Variants in ACAD9 observed in about 807,000 individuals in gnomAD.
ACAD9 encodes acyl-CoA dehydrogenase family member 9, also known as complex I assembly factor ACAD9, mitochondrial.
Under a neutral mutation model 70.2 loss-of-function variants are expected in ACAD9, and 53 were observed. That is an observed-to-expected ratio of 0.75 (90% confidence interval 0.61 to 0.95). The LOEUF (loss-of-function observed/expected upper bound fraction) is 0.95. ACAD9 is among the 40% of genes least tolerant of loss of function. The probability of loss-of-function intolerance (pLI) is 0.00; values close to 1 mark genes in which losing one functional copy is unlikely to be tolerated. For synonymous variants in ACAD9, 313 were observed against 312.1 expected (o/e 1.00, Z -0.03); for missense variants, 777 against 802.8 (o/e 0.97, Z 0.39).
At chr3:128,883,069 G>GCTTGTTTTTTTTTTTTTTT (rs903871338) in intron 1 of ACAD9, among the ~76,000 whole-genome samples, 2 of 137,958 alleles carry the variant, frequency 1.4e-5, no homozygotes, top group Admixed American at 7.3e-5. Flanking sequence ...GGAGCCATCA[G>GCTTGTTTTTTTTTTTTTTT]CTTGTTTTTT....
chr3:128,889,764 G>C (rs1935362905), intron 2 of ACAD9, among the ~76,000 whole-genome samples: 1 of 151,978 alleles, frequency 6.6e-6, no homozygotes, highest in African/African-American at 2.4e-5. Context: ...ATCAACATAG[G>C]GTATGTATCC....
intron 1 of ACAD9, 126 bp from the exon 2 acceptor site, chr3:128,884,527 C>T: frequency 1.4e-6 from 1 of 693,740 alleles, no homozygotes; most frequent in Non-Finnish European, 2.5e-6. Context: ...CCAGTTCCTT[C>T]AGTACGTCAT....
rs536311994 is a variant in ACAD9, at chr3:128,889,947, G to A, written c.245-3608G>A. ...AAGCCATCCTCTGCCTCAGCCTCCC[G>A]CATAGCTAAGACTACAGGCACACGC... On this transcript the variant is annotated intron_variant, in intron 2 of 17. Transcript: ENST00000308982. Among the ~76,000 whole-genome samples, 21 of 152,026 alleles carry A rather than the reference G, an allele frequency of 1.4e-4. 1 individual carries two copies. In the South Asian group the frequency reaches 4.2e-3, roughly 30 times the overall value.
At chr3:128,887,658 T>C (rs1207798405) in intron 2 of ACAD9, among the ~76,000 whole-genome samples, 7 of 146,908 alleles carry the variant, frequency 4.8e-5, no homozygotes, top group Non-Finnish European at 7.5e-5. Flanking sequence ...TATATATATA[T>C]ATATATATAT....
chr3:128,899,552 G>T, intron 7 of ACAD9, 91 bp downstream of exon 7: 1 of 1,351,066 alleles, frequency 7.4e-7, no homozygotes, highest in Non-Finnish European at 1.0e-6. Context: ...GTGTGTGTGT[G>T]TGTGTGTGTG....
intron 17 of ACAD9, 61 bp downstream of exon 17, chr3:128,910,874 G>A (rs1489259512): frequency 6.3e-7 from 1 of 1,580,632 alleles, no homozygotes; most frequent in Non-Finnish European, 8.7e-7. Flanking sequence ...TATTGATGGT[G>A]AGCTGTTTCT....
chr3:128,886,880 G>A (rs978171195), intron 2 of ACAD9, among the ~76,000 whole-genome samples: 1 of 151,466 alleles, frequency 6.6e-6, no homozygotes, highest in East Asian at 1.9e-4. Context: ...CCACTGTGCA[G>A]TCTTTTTTTT....
Position 128,879,802 on chromosome 3 carries a change from A to G in ACAD9, c.111A>G (p.Arg37=). Residue 37 remains arginine, a synonymous_variant, in exon 1 of 18, where the codon CGA becomes CGG. Coordinates refer to ENST00000308982, the MANE Select transcript of ACAD9 (RefSeq NM_014049.5). The part of the protein sequence containing the change: ...RRLLRTSPPV[R]AFAKELFLGK... ...TACTGCGCACCAGCCCGCCTGTACG[A>G]GCTTTCGCCAAAGAGCTTTTCCTAG... 1 of 1,613,986 alleles carries G rather than the reference A, an allele frequency of 6.2e-7. No homozygotes were observed. Among genetic ancestry groups the G allele is most frequent in the Non-Finnish European group, 8.5e-7 (1 of 1,180,008 alleles).
chr3:128,893,920 T>A (rs1329559127), intron 3 of ACAD9, among the ~76,000 whole-genome samples: 1 of 152,158 alleles, frequency 6.6e-6, no homozygotes, highest in Non-Finnish European at 1.5e-5. Context: ...GTGGGAACCT[T>A]TGAGCAGGGT....
intron 13 of ACAD9, chr3:128,908,767 T>TG (rs1935993681): frequency 1.1e-5 from 8 of 704,184 alleles, no homozygotes; most frequent in Admixed American, 7.0e-5. Flanking sequence ...CCACCCCTCA[T>TG]GGGGGAGCAT....
rs183073261 is a variant in ACAD9, at chr3:128,881,885, A to C, written c.150+2044A>C. ...CCAACTAGCCAAGTTGGAATTTACT[A>C]AGGCTGGGTCTCGTTTCATCTACAG... On this transcript the variant is annotated intron_variant, in intron 1 of 17. Transcript: ENST00000308982. Among the ~76,000 whole-genome samples, 579 of 152,338 alleles carry C rather than the reference A, an allele frequency of 3.8e-3. 2 individuals are homozygous for C. In the Middle Eastern group the frequency reaches 0.044, roughly 12 times the overall value.
chr3:128,904,187 T>C, intron 10 of ACAD9, 55 bp downstream of exon 10: 1 of 1,598,124 alleles, frequency 6.3e-7, no homozygotes, highest in Non-Finnish European at 8.6e-7. Context: ...ATGAACGGTG[T>C]GTTCTTTTGA....
chr3:128,905,780 G>A (rs1935867985), intron 11 of ACAD9, among the ~76,000 whole-genome samples: 2 of 152,172 alleles, frequency 1.3e-5, no homozygotes, highest in South Asian at 4.1e-4. Context: ...CACTTATAGT[G>A]TGCACAGACA....
chr3:128,881,015 T>C (rs1286353942), intron 1 of ACAD9, among the ~76,000 whole-genome samples: 4 of 152,254 alleles, frequency 2.6e-5, no homozygotes, highest in Non-Finnish European at 5.9e-5. Context: ...GGCTGAATGT[T>C]GGCTGATCCT....
intron 14 of ACAD9, 65 bp from the exon 15 acceptor site, chr3:128,909,279 G>A: frequency 1.9e-6 from 3 of 1,603,144 alleles, no homozygotes; most frequent in South Asian, 1.1e-5. Flanking sequence ...TGGTACCCGG[G>A]CTGTGAGACA....
intron 5 of ACAD9, 35 bp downstream of exon 5, chr3:128,896,571 C>A (rs1260445764): frequency 1.9e-6 from 3 of 1,606,538 alleles, no homozygotes; most frequent in Non-Finnish European, 2.6e-6. Context: ...CCCTCAGCAG[C>A]TGTGATGTTG....
At chr3:128,882,427 CT>C (rs1935122244) in intron 1 of ACAD9, among the ~76,000 whole-genome samples, 1 of 152,234 alleles carries the variant, frequency 6.6e-6, no homozygotes, top group Non-Finnish European at 1.5e-5. Context: ...GTTTTCTCTA[CT>C]TTTAGGTTCT....
chr3:128,899,235 G>A, intron 6 of ACAD9, 52 bp from the exon 7 acceptor site: 2 of 1,589,540 alleles, frequency 1.3e-6, no homozygotes, highest in Non-Finnish European at 8.6e-7. Flanking sequence ...CAGAGCTGAG[G>A]TGGGTCACAT....
intron 4 of ACAD9, among the ~76,000 whole-genome samples, chr3:128,896,013 G>A (rs1935559033): frequency 6.6e-6 from 1 of 152,228 alleles, no homozygotes; most frequent in South Asian, 2.1e-4. Context: ...CTGACACTGA[G>A]CACCTTCTTT....
Sources: allele counts gnomAD v4.1 joint callset (sites outside exome capture counted in the v4.1 genomes callset), GRCh38; gene constraint gnomAD v4.1.1; transcripts MANE v1.5; gene names NCBI Gene and HGNC (gene_info 2026-07-23, HGNC 2026-07-21).